ADAMTSL1: variants seen among roughly 807,000 people sequenced by gnomAD.
ADAMTSL1 encodes ADAMTS like 1.
A neutral mutation model predicts 201.8 loss-of-function variants in ADAMTSL1; 126 were observed. The observed-to-expected ratio is 0.62, with a 90% CI of 0.54 to 0.72. The LOEUF (loss-of-function observed/expected upper bound fraction) is 0.72. Ranked by LOEUF, ADAMTSL1 falls within the 30% of genes least tolerant of loss-of-function variation. ADAMTSL1 has a pLI of 0.00. For missense variants in ADAMTSL1, 2,679 were observed against 2,277.8 expected (o/e 1.18, Z -3.59); for synonymous variants, 1,121 against 903.4 (o/e 1.24, Z -4.32).
chr9:17,918,866 T>A (rs548482984), intron 1 of ADAMTSL1, among the ~76,000 whole-genome samples: 10 of 152,056 alleles, frequency 6.6e-5, no homozygotes, highest in African/African-American at 1.4e-4. Context: ...ATTGGGTACA[T>A]AAATGTTTAG....
intron 4 of ADAMTSL1, among the ~76,000 whole-genome samples, chr9:18,593,255 A>G (rs973282921): frequency 4.6e-5 from 7 of 152,132 alleles, no homozygotes; most frequent in Admixed American, 3.3e-4. Flanking sequence ...GTAGTATGTT[A>G]AATAACATGT....
intron 2 of ADAMTSL1, 140 bp downstream of exon 2, chr9:18,505,096 TAA>T: frequency 2.6e-6 from 3 of 1,151,900 alleles, no homozygotes; most frequent in Non-Finnish European, 2.3e-6. Context: ...AACGTACAAA[TAA>T]TTAAATTTGT....
At chr9:18,334,860 A>C (rs538679441) in intron 2 of ADAMTSL1, among the ~76,000 whole-genome samples, 29 of 152,308 alleles carry the variant, frequency 1.9e-4, no homozygotes, top group Non-Finnish European at 2.8e-4. Flanking sequence ...CCAGTATCCA[A>C]GTCAGGGGCT....
chr9:17,994,574 A>G (rs575551341), intron 1 of ADAMTSL1, among the ~76,000 whole-genome samples: 11 of 152,280 alleles, frequency 7.2e-5, no homozygotes, highest in Admixed American at 5.2e-4. Context: ...TGTGAACATA[A>G]CAGAATTCAC....
At chr9:18,445,681 T>C (rs1414677113) in intron 2 of ADAMTSL1, among the ~76,000 whole-genome samples, 1 of 152,184 alleles carries the variant, frequency 6.6e-6, no homozygotes, top group East Asian at 1.9e-4. Flanking sequence ...TTTGATTCCC[T>C]ACTTGACTGG....
chr9:18,084,989 A>G (rs1028044890), intron 1 of ADAMTSL1, among the ~76,000 whole-genome samples: 1 of 152,164 alleles, frequency 6.6e-6, no homozygotes, highest in Non-Finnish European at 1.5e-5. Context: ...ATAATCTGAC[A>G]TTTGAGCAAA....
Position 18,058,720 on chromosome 9 carries a change from G to T in ADAMTSL1, c.88-105142G>T, listed in dbSNP as rs1030823271. Among the ~76,000 whole-genome samples the T allele has an allele frequency of 5.9e-5, 9 of 152,110 alleles. No individual in the cohort carries two copies. In the South Asian group the frequency reaches 6.2e-4, roughly 11 times the overall value. On this transcript the variant is annotated intron_variant, in intron 1 of 29. Transcript: ENST00000680146. Reference sequence around the variant, plus strand: ...TGTCCTTATGTTGTGAATGCACAGAGAGACTATATTAAAACATTTTGTCTG... The same window carrying T: ...TGTCCTTATGTTGTGAATGCACAGATAGACTATATTAAAACATTTTGTCTG...
At chr9:18,659,543 T>C (rs1828927802) in intron 8 of ADAMTSL1, among the ~76,000 whole-genome samples, 4 of 152,226 alleles carry the variant, frequency 2.6e-5, no homozygotes, top group Admixed American at 2.0e-4. Context: ...GGCAGAAGGA[T>C]GGCTTGAGGC....
intron 9 of ADAMTSL1, among the ~76,000 whole-genome samples, chr9:18,674,531 A>C (rs17230699): frequency 6.6e-6 from 1 of 151,814 alleles, no homozygotes; most frequent in South Asian, 2.1e-4. Context: ...TGTGATCCAC[A>C]CTCACGGCTC....
chr9:18,405,037 C>T (rs772917274), intron 2 of ADAMTSL1, among the ~76,000 whole-genome samples: 30 of 152,048 alleles, frequency 2.0e-4, no homozygotes, highest in Admixed American at 6.6e-4. Flanking sequence ...TTATTTCCAG[C>T]GCTAGACCTC....
At chr9:18,185,754 A>T (rs1254979918) in intron 2 of ADAMTSL1, among the ~76,000 whole-genome samples, 1 of 152,184 alleles carries the variant, frequency 6.6e-6, no homozygotes, top group Non-Finnish European at 1.5e-5. Flanking sequence ...AGCATAATTG[A>T]GTAACAAATG....
intron 2 of ADAMTSL1, among the ~76,000 whole-genome samples, chr9:18,356,908 A>C (rs1159032402): frequency 6.6e-6 from 1 of 152,202 alleles, no homozygotes; most frequent in Non-Finnish European, 1.5e-5. Flanking sequence ...AGATCTATCT[A>C]TGCTGAGTTT....
intron 26 of ADAMTSL1, among the ~76,000 whole-genome samples, chr9:18,893,185 T>C (rs529527479): frequency 1.3e-5 from 2 of 152,222 alleles, no homozygotes; most frequent in East Asian, 3.9e-4. Flanking sequence ...GAATATCGTC[T>C]TTCTCCTACC....
At chr9:18,271,718 A>G (rs1262601201) in intron 2 of ADAMTSL1, among the ~76,000 whole-genome samples, 1 of 152,136 alleles carries the variant, frequency 6.6e-6, no homozygotes, top group African/African-American at 2.4e-5. Flanking sequence ...GTCAAATGGT[A>G]TTTCTAGTTC....
intron 1 of ADAMTSL1, among the ~76,000 whole-genome samples, chr9:18,052,560 G>T (rs1821985786): frequency 6.6e-6 from 1 of 152,144 alleles, no homozygotes; most frequent in Admixed American, 6.5e-5. Context: ...GCAGCTCTGT[G>T]CCTCCCATCA....
At chr9:18,903,895 C>T (rs1329002199) in intron 26 of ADAMTSL1, among the ~76,000 whole-genome samples, 1 of 151,712 alleles carries the variant, frequency 6.6e-6, no homozygotes, top group Admixed American at 6.6e-5. Context: ...AGTTCAAACC[C>T]ATGTTGTTCA....
intron 2 of ADAMTSL1, among the ~76,000 whole-genome samples, chr9:18,439,633 G>C (rs1310380289): frequency 2.0e-5 from 3 of 152,152 alleles, no homozygotes; most frequent in Non-Finnish European, 4.4e-5. Flanking sequence ...CCAAAGTGCT[G>C]GGATTACAGG....
intron 1 of ADAMTSL1, among the ~76,000 whole-genome samples, chr9:18,094,859 C>A (rs996318245): frequency 9.2e-5 from 14 of 151,792 alleles, no homozygotes; most frequent in African/African-American, 3.4e-4. Flanking sequence ...AGCCACTGCA[C>A]CTGGCCCTCT....
At chr9:18,783,384 C>G (rs781348103) in intron 19 of ADAMTSL1, among the ~76,000 whole-genome samples, 2 of 152,176 alleles carry the variant, frequency 1.3e-5, no homozygotes, top group Non-Finnish European at 2.9e-5. Flanking sequence ...CCCACATCCT[C>G]CCCTACCATT....
Sources: allele counts gnomAD v4.1 joint callset (sites outside exome capture counted in the v4.1 genomes callset), GRCh38; gene constraint gnomAD v4.1.1; transcripts MANE v1.5; gene names NCBI Gene and HGNC (gene_info 2026-07-23, HGNC 2026-07-21).